Variants in SZT2 observed in about 807,000 individuals in gnomAD.
The protein encoded by SZT2 is SZT2 subunit of KICSTOR complex.
Under a neutral mutation model 404.2 loss-of-function variants are expected in SZT2, and 216 were observed. The observed-to-expected ratio is 0.53, with a 90% CI of 0.48 to 0.60. The LOEUF (loss-of-function observed/expected upper bound fraction) is 0.60, where lower values mean the gene tolerates loss of function less well. SZT2 is among the 20% of genes least tolerant of loss of function. SZT2 has a pLI of 0.00. For synonymous variants in SZT2, 1,693 were observed against 1,749.9 expected (o/e 0.97, Z 0.81); for missense variants, 3,857 against 4,459.2 (o/e 0.86, Z 3.85).
rs1412703480 is a variant in SZT2, at chr1:43,451,934, C to G, written c.*1454C>G. Reference sequence around the variant, plus strand: ...AAGGAGAGACAGGGCTGGGGTCGTACCCTGCTGGGGCGTGTCCAGGAAGTA... The same window carrying G: ...AAGGAGAGACAGGGCTGGGGTCGTAGCCTGCTGGGGCGTGTCCAGGAAGTA... On this transcript the variant is annotated 3_prime_UTR_variant, in exon 72 of 72. Transcript: ENST00000634258. 2.5e-6 allele frequency: 4 copies of G among 1,612,448 alleles called. No individual in the cohort carries two copies. Among genetic ancestry groups the G allele is most frequent in the Non-Finnish European group, 3.4e-6 (4 of 1,178,886 alleles).
At position 43,443,609 on chromosome 1, in the gene SZT2, C is replaced by T; in HGVS notation, c.8638C>T (p.Pro2880Ser). 2 of 1,614,184 alleles carry T rather than the reference C, an allele frequency of 1.2e-6. No homozygotes were observed. The highest frequency in any genetic ancestry group is 1.7e-6 in the Non-Finnish European group (2 of 1,180,036). The change falls in exon 62 of 72, where the codon CCT becomes TCT. Residue 2880 changes from proline (P) to serine (S), a missense_variant. Transcript: ENST00000634258. The stretch of plus-strand genomic sequence containing the variant: ...TTTACTCTCATAGCGGCGCCATCGC[C>T]CTGAGTCAGGGTCTGGGAGCCGAGA... ...GPPDGQRRHR[P>S]ESGSGSREAP...
rs763945441 is a variant in SZT2 at position 43,434,388 on chromosome 1, G to A, written c.5807G>A (p.Ser1936Asn). 6.3e-7 allele frequency: 1 copy of A among 1,591,794 alleles called. No individual in the cohort carries two copies. The highest frequency in any genetic ancestry group is 8.5e-7 in the Non-Finnish European group (1 of 1,170,590). The change falls in exon 41 of 72, where the codon AGC becomes AAC. Residue 1936 changes from serine to asparagine, a missense_variant and splice_region_variant. This residue lies in a region of SZT2 where 1,725 missense variants were observed against 1,881.0 expected (regional missense o/e 0.92). Coordinates refer to ENST00000634258, the MANE Select transcript of SZT2 (RefSeq NM_001365999.1). ...GTCAGATTATCCTTCCTTCCCAGGA[G>A]CCTGATTCGGGAGGATGGGGGGCCG... is the stretch of plus-strand genomic sequence containing the variant. Reference protein sequence around the residue: ...DRVEVYAHARSLIREDGGPGT... With the variant: ...DRVEVYAHARNLIREDGGPGT...
Position 43,439,033 on chromosome 1 carries a change from C to T in SZT2, c.6732C>T (p.Asn2244=). The T allele has an allele frequency of 6.2e-7, 1 of 1,614,234 alleles. No individual in the cohort carries two copies. The highest frequency in any genetic ancestry group is 8.5e-7 in the Non-Finnish European group (1 of 1,180,038). Residue 2244 remains asparagine (N), a synonymous_variant, in exon 48 of 72, where the codon AAC becomes AAT. Coordinates refer to ENST00000634258, the MANE Select transcript of SZT2 (RefSeq NM_001365999.1). The surrounding 1 kb of genome is among the most constrained non-coding windows in gnomAD (Gnocchi z 4.2). ...LPALAWYLRQ[N]LLIFLHSPKY... ...CCCTGGCATGGTACCTACGGCAGAA[C>T]TTGCTCATCTTCCTGCACTCTCCCA... is the stretch of plus-strand genomic sequence containing the variant.
At position 43,447,171 on chromosome 1, in the gene SZT2, C is replaced by T. The variant is rs1219045669; in HGVS notation, c.9286+3C>T. Reference sequence around the variant, plus strand: ...TGGCCGCAATCACATTTACCAAGGTCAGTGCCCAAGGGCAAGCCAGTGAAC... The same window carrying T: ...TGGCCGCAATCACATTTACCAAGGTTAGTGCCCAAGGGCAAGCCAGTGAAC... On this transcript the variant is annotated splice_donor_region_variant and intron_variant, in intron 66 of 71. Coordinates refer to ENST00000634258, the MANE Select transcript of SZT2 (RefSeq NM_001365999.1). 1 of 1,609,272 alleles carries T rather than the reference C, an allele frequency of 6.2e-7. No homozygotes were observed. Among genetic ancestry groups the T allele is most frequent in the Non-Finnish European group, 8.5e-7 (1 of 1,178,730 alleles).
Position 43,441,866 on chromosome 1 carries a change from A to G in SZT2, c.7742+48A>G. The G allele has an allele frequency of 3.1e-6, 5 of 1,605,554 alleles. No individual in the cohort carries two copies. The highest frequency in any genetic ancestry group is 3.4e-6 in the Non-Finnish European group (4 of 1,173,216). ...TGAAGGGAACTCCCCTAGACTTCCT[A>G]AAAGCTGGGCCTACAGGAAGCCAAA... On this transcript the variant is annotated intron_variant, in intron 55 of 71. Transcript: ENST00000634258. The surrounding 1 kb of genome is among the most constrained non-coding windows in gnomAD (Gnocchi z 4.8).
In SZT2 at chr1:43,434,478, T is replaced by G. The variant is rs901536438; in HGVS notation, c.5897T>G (p.Val1966Gly). Residue 1966 changes from valine to glycine, a missense_variant, in exon 41 of 72, where the codon GTC becomes GGC. Val to Gly is a moderately radical substitution (Grantham distance 109). Transcript: ENST00000634258. ...VRRVGEICREVNQRLLLQDLH... is the reference protein window; with the variant it reads ...VRRVGEICREGNQRLLLQDLH... ...CGAGTTGGGGAGATCTGCAGGGAGG[T>G]CAACCAGGTAAGGGGCAGGACTCTC... 6.3e-7 allele frequency: 1 copy of G among 1,591,012 alleles called. No individual in the cohort carries two copies. Among genetic ancestry groups the G allele is most frequent in the Non-Finnish European group, 8.5e-7 (1 of 1,170,690 alleles).
intron 1 of SZT2, among the ~76,000 whole-genome samples, chr1:43,399,705 C>T (rs1649447980): frequency 1.3e-5 from 2 of 151,996 alleles, no homozygotes; most frequent in South Asian, 4.2e-4. Flanking sequence ...TCGTGAACCG[C>T]CTGCCTTGGC....
rs1655048863 is a variant in SZT2, at chr1:43,441,438, C to T, written c.7511+58C>T. 38 of 1,609,746 alleles carry T rather than the reference C, an allele frequency of 2.4e-5. No homozygotes were observed. The highest frequency in any genetic ancestry group is 3.1e-5 in the Non-Finnish European group (37 of 1,177,388). On this transcript the variant is annotated intron_variant, in intron 53 of 71. Transcript: ENST00000634258. The surrounding 1 kb of genome is among the most constrained non-coding windows in gnomAD (Gnocchi z 4.8). ...GTATGGGTGTGAAGTCACAGATGGG[C>T]CTTGGTCTGTATAAACATACAAGTG...
At position 43,428,501 on chromosome 1, in the gene SZT2, T is replaced by C. The variant is rs777018274; in HGVS notation, c.4166+15T>C. The C allele has an allele frequency of 6.2e-7, 1 of 1,610,964 alleles. No individual in the cohort carries two copies. Among genetic ancestry groups the C allele is most frequent in the Non-Finnish European group, 8.5e-7 (1 of 1,179,450 alleles). On this transcript the variant is annotated intron_variant, in intron 28 of 71. Transcript: ENST00000634258. ...TCTGAATCCAGGTTAGGATTATACT[T>C]GAATGATGGATAAGGGGGTACACAG...
At chr1:43,419,628 G>C (rs1364245275) in intron 7 of SZT2, 106 bp from the exon 8 acceptor site, 1 of 871,882 alleles carries the variant, frequency 1.1e-6, no homozygotes, top group African/African-American at 1.7e-5. Context: ...CCCACTCTGT[G>C]GTCCAGGGAA....
rs912859021 is a variant in SZT2 at position 43,440,530 on chromosome 1, G to C, written c.7288G>C (p.Gly2430Arg). 3 of 1,608,778 alleles carry C rather than the reference G, an allele frequency of 1.9e-6. No homozygotes were observed. The highest frequency in any genetic ancestry group is 2.5e-6 in the Non-Finnish European group (3 of 1,177,636). Residue 2430 changes from glycine (G) to arginine (R), a missense_variant, in exon 52 of 72, where the codon GGG (glycine) becomes CGG (arginine). Physicochemically the swap from Gly to Arg is moderately radical, Grantham distance 125. Coordinates refer to ENST00000634258, the MANE Select transcript of SZT2 (RefSeq NM_001365999.1). ...ASTFPPAPVP[G>R]EPVTPPSKAG... is the part of the protein sequence containing the mutation. ...CACCTTTCCCCCTGCCCCTGTCCCT[G>C]GGGAGCCTGTGACTCCACCCAGCAA...
intron 4 of SZT2, among the ~76,000 whole-genome samples, chr1:43,413,648 G>C (rs1037811215): frequency 2.0e-5 from 3 of 152,206 alleles, no homozygotes; most frequent in African/African-American, 7.2e-5. Context: ...CCTGTCATTT[G>C]CAACAACATG....
chr1:43,418,765 G>A (rs974319734), intron 7 of SZT2, among the ~76,000 whole-genome samples: 1 of 152,212 alleles, frequency 6.6e-6, no homozygotes, highest in African/African-American at 2.4e-5. Context: ...GGTCGAGAAA[G>A]GAGGGTCAGG....
At position 43,426,251 on chromosome 1, in the gene SZT2, A is replaced by C. The variant is rs1405757030; in HGVS notation, c.3043+100A>C. The C allele has an allele frequency of 1.5e-5, 22 of 1,500,158 alleles. No homozygotes were observed. The highest frequency in any genetic ancestry group is 1.9e-4 in the Middle Eastern group (1 of 5,286). 92.9% of individuals were successfully genotyped at this position (1,500,158 alleles called of 1,614,324 possible). Reference sequence around the variant, plus strand: ...AGATGGGTCAGCAAGTGAGCAGATGAGTGGTGGGGGCAGGAGGAGCCCATG... The same window carrying C: ...AGATGGGTCAGCAAGTGAGCAGATGCGTGGTGGGGGCAGGAGGAGCCCATG... On this transcript the variant is annotated intron_variant, in intron 21 of 71. Transcript: ENST00000634258. This position sits in a 1 kb window ranked among gnomAD's most constrained non-coding sequence, Gnocchi z 4.9.
In SZT2 at chr1:43,442,159, G is replaced by T. The variant is rs748989786; in HGVS notation, c.7873+29G>T. 11 of 1,009,370 alleles carry T rather than the reference G, an allele frequency of 1.1e-5. No individual in the cohort carries two copies. The East Asian group carries it at 3.6e-4, about 33-fold the overall frequency. The allele number at this position is 1,009,370 out of a possible 1,614,324, so 62.5% of individuals were successfully genotyped here. A position where few individuals can be genotyped will look rare whatever the true frequency, so the allele number is the denominator to read the frequency against. ...AGGGCATGGCCCGGGGGGGCGGGGG[G>T]CGGGTAGGCTAAGAGTAACTGGTGG... On this transcript the variant is annotated intron_variant, in intron 56 of 71. Transcript: ENST00000634258. The surrounding 1 kb of genome is among the most constrained non-coding windows in gnomAD (Gnocchi z 4.5).
intron 1 of SZT2, chr1:43,394,042 A>G (rs1298925517): frequency 8.1e-6 from 8 of 982,412 alleles, no homozygotes; most frequent in Non-Finnish European, 9.7e-6. Flanking sequence ...TTGCCAGACT[A>G]CTCTGAGAGT....
rs373920611 is a variant in SZT2 at position 43,442,243 on chromosome 1, A to G, written c.7874-25A>G. 8.1e-6 allele frequency: 13 copies of G among 1,607,620 alleles called. No homozygotes were observed. Among genetic ancestry groups the G allele is most frequent in the African/African-American group, 2.7e-5 (2 of 74,752 alleles). ...AAGGGGGATCTGTTCCCAGGCCCCT[A>G]TTGTGCCCCTCCCCCACCCTGTAGC... On this transcript the variant is annotated intron_variant, in intron 56 of 71. Transcript: ENST00000634258. The surrounding 1 kb of genome is among the most constrained non-coding windows in gnomAD (Gnocchi z 4.5).
chr1:43,420,838 C>T lies in SZT2; in HGVS notation c.1351C>T (p.Pro451Ser). 6.3e-7 allele frequency: 1 copy of T among 1,598,412 alleles called. No individual in the cohort carries two copies. Among genetic ancestry groups the T allele is most frequent in the Non-Finnish European group, 8.5e-7 (1 of 1,179,794 alleles). The part of the protein sequence containing the change: ...YVAMAPWPLE[P>S]EGPRVTRVEV... ...GGCTATGGCACCCTGGCCCCTGGAGCCTGAGGGCCCTCGAGTAACACGGGT... is the reference window on the plus strand; with the variant it reads ...GGCTATGGCACCCTGGCCCCTGGAGTCTGAGGGCCCTCGAGTAACACGGGT... The change falls in exon 10 of 72, where the codon CCT (proline) becomes TCT (serine). Residue 451 changes from proline to serine, a missense_variant. Physicochemically the swap from Pro to Ser is moderately conservative, Grantham distance 74. Around this residue, in one of 7 missense-constraint regions of SZT2, gnomAD observed 536 missense variants for 637.4 expected, o/e 0.84. Transcript: ENST00000634258. The surrounding 1 kb of genome is among the most constrained non-coding windows in gnomAD (Gnocchi z 5.1).
At position 43,416,604 on chromosome 1, in the gene SZT2, A is replaced by G; in HGVS notation, c.842A>G (p.Gln281Arg). ...DVAVCETLLN[Q>R]LRSGTVACSF... ...GCTGTCTGTGAGACACTGCTGAACC[A>G]GCTTCGCAGTGGCACTGTGGCTTGT... Residue 281 changes from glutamine to arginine, a missense_variant, in exon 7 of 72, where the codon CAG (glutamine) becomes CGG (arginine). By Grantham distance (43) the Gln-to-Arg change is conservative. Coordinates refer to ENST00000634258, the MANE Select transcript of SZT2 (RefSeq NM_001365999.1). The G allele has an allele frequency of 6.3e-7, 1 of 1,598,288 alleles. No homozygotes were observed. Among genetic ancestry groups the G allele is most frequent in the Non-Finnish European group, 8.5e-7 (1 of 1,179,760 alleles).
Sources: allele counts gnomAD v4.1 joint callset (sites outside exome capture counted in the v4.1 genomes callset), GRCh38; gene constraint gnomAD v4.1.1; regional missense constraint gnomAD v4.1.1; non-coding constraint Gnocchi (gnomAD v3.1); transcripts MANE v1.5; gene names NCBI Gene and HGNC (gene_info 2026-07-23, HGNC 2026-07-21).